The following PIK3AP1 variants were observed in gnomAD, a reference collection of about 807,000 sequenced individuals.
PIK3AP1 encodes the protein phosphoinositide 3-kinase adapter protein 1.
PIK3AP1 carries 21 observed loss-of-function variants against 88.1 expected under a neutral mutation model. The ratio of observed to expected loss-of-function variants is 0.24; its 90% CI spans 0.17 to 0.34. PIK3AP1 has a LOEUF of 0.34. PIK3AP1 is among the 10% of genes least tolerant of loss of function. The probability of loss-of-function intolerance (pLI) is 1.00; values close to 1 mark genes in which losing one functional copy is unlikely to be tolerated. For missense variants in PIK3AP1, 828 were observed against 1,035.7 expected, an observed-to-expected ratio of 0.80 and a Z score of 2.75; for synonymous variants, 398 against 400.0, an observed-to-expected ratio of 1.00 and a Z score of 0.06.
At position 96,696,037 on chromosome 10, in the gene PIK3AP1, C is replaced by T. The variant is rs146398284; in HGVS notation, c.430+13530G>A. 2.6e-4 allele frequency among the ~76,000 whole-genome samples: 40 copies of T among 152,288 alleles called. No individual in the cohort carries two copies. The East Asian group carries it at 7.3e-3, about 28-fold the overall frequency. ...GTTGACAATCCAAAGGGCATCAAGC[C>T]TCTACATAAGATGCTCATGGGAGGG... On this transcript the variant is annotated intron_variant, in intron 2 of 16. Coordinates refer to ENST00000339364, the MANE Select transcript of PIK3AP1 (RefSeq NM_152309.3).
At position 96,609,768 on chromosome 10, in the gene PIK3AP1, G is replaced by A. The variant is rs1339167868; in HGVS notation, c.2114C>T (p.Pro705Leu). 1.9e-6 allele frequency: 3 copies of A among 1,614,166 alleles called. No individual in the cohort carries two copies. Among genetic ancestry groups the A allele is most frequent in the Non-Finnish European group, 2.5e-6 (3 of 1,180,006 alleles). Residue 705 changes from proline (P) to leucine (L), a missense_variant, in exon 14 of 17, where the codon CCT (proline) becomes CTT (leucine). Physicochemically the swap from Pro to Leu is moderately conservative, Grantham distance 98. This residue lies in a region of PIK3AP1 where 191 missense variants were observed against 208.6 expected (regional missense o/e 0.92). Transcript: ENST00000339364. ...ESGPRKSVIPPRTELRRGDWK... is the reference protein window; with the variant it reads ...ESGPRKSVIPLRTELRRGDWK... The stretch of plus-strand genomic sequence containing the variant: ...GTCTCCTCGTCTCAGCTCCGTCCTA[G>A]GGGGAATGACACTTTTCCTGGGGCC...
At chr10:96,662,690 C>T (rs1440435895) in intron 2 of PIK3AP1, among the ~76,000 whole-genome samples, 1 of 149,828 alleles carries the variant, frequency 6.7e-6, no homozygotes, top group Admixed American at 6.7e-5. Flanking sequence ...ACCATCCTGG[C>T]TAACAAGGTG....
chr10:96,645,900 GCA>G (rs1183138899), intron 7 of PIK3AP1, among the ~76,000 whole-genome samples: 1 of 152,122 alleles, frequency 6.6e-6, no homozygotes, highest in Non-Finnish European at 1.5e-5. Context: ...ACAACACTAA[GCA>G]CAGAGTTAGG....
chr10:96,616,228 G>T (rs889549743), intron 13 of PIK3AP1, among the ~76,000 whole-genome samples: 25 of 152,198 alleles, frequency 1.6e-4, no homozygotes, highest in Non-Finnish European at 1.8e-4. Flanking sequence ...TGTGGATGCA[G>T]ATGACGCCAT....
intron 1 of PIK3AP1, 66 bp from the exon 2 acceptor site, chr10:96,710,049 TGCAAA>T: frequency 6.7e-7 from 1 of 1,482,162 alleles, no homozygotes; most frequent in Non-Finnish European, 9.1e-7. Flanking sequence ...CCCCACAGCC[TGCAAA>T]GGTAGAGCAT....
chr10:96,705,821 C>T (rs968107344), intron 2 of PIK3AP1, among the ~76,000 whole-genome samples: 1 of 151,154 alleles, frequency 6.6e-6, no homozygotes, highest in African/African-American at 2.4e-5. Context: ...AAGCAGAAAT[C>T]CTTCTGCTCC....
intron 2 of PIK3AP1, among the ~76,000 whole-genome samples, chr10:96,682,366 C>T (rs967180788): frequency 1.3e-5 from 2 of 152,002 alleles, no homozygotes. Context: ...ATGGCTGAGT[C>T]CAGCTCCTGC....
intron 2 of PIK3AP1, among the ~76,000 whole-genome samples, chr10:96,705,351 A>G (rs2134286952): frequency 6.6e-6 from 1 of 152,218 alleles, no homozygotes; most frequent in South Asian, 2.1e-4. Flanking sequence ...CCTGGCCCCA[A>G]AGCTAAATCC....
Position 96,642,490 on chromosome 10 carries a change from TAGAA to T in PIK3AP1, c.1375+2979_1375+2982del, listed in dbSNP as rs1448715472. Among the ~76,000 whole-genome samples the T allele has an allele frequency of 3.6e-5, 4 of 112,654 alleles. No individual in the cohort carries two copies. The East Asian group carries it at 9.9e-4, about 28-fold the overall frequency. The allele number at this position is 112,654 out of a possible 152,430, so 73.9% of individuals were successfully genotyped here. A position where few individuals can be genotyped will look rare whatever the true frequency, so the allele number is the denominator to read the frequency against. Reference sequence around the variant, plus strand: ...AGAGAAAGAAAGAAAGAAAGAAAGGTAGAAAGAAAGAAAAAAAGGAAGGAAAAGA... The same window carrying T: ...AGAGAAAGAAAGAAAGAAAGAAAGGTAGAAAGAAAAAAAGGAAGGAAAAGA... On this transcript the variant is annotated intron_variant, in intron 8 of 16. Coordinates refer to ENST00000339364, the MANE Select transcript of PIK3AP1 (RefSeq NM_152309.3).
rs374825569 is a variant in PIK3AP1 at position 96,626,772 on chromosome 10, G to T, written c.1605C>A (p.Pro535=). Residue 535 remains proline (P), a synonymous_variant, in exon 10 of 17, where the codon CCC becomes CCA. Coordinates refer to ENST00000339364, the MANE Select transcript of PIK3AP1 (RefSeq NM_152309.3). ...CACCAGGAGCAGTGGTCTCTGGTCTGGGCACTGGGACAGGGGGCCTGCTGG... is the reference window on the plus strand; with the variant it reads ...CACCAGGAGCAGTGGTCTCTGGTCTTGGCACTGGGACAGGGGGCCTGCTGG... The part of the protein sequence containing the change: ...DLASRPPVPV[P]RPETTAPGAH... 4.3e-6 allele frequency: 7 copies of T among 1,614,230 alleles called. No homozygotes were observed. The highest frequency in any genetic ancestry group is 4.0e-5 in the African/African-American group (3 of 75,054).
At chr10:96,676,474 CCT>C (rs1843921161) in intron 2 of PIK3AP1, among the ~76,000 whole-genome samples, 1 of 151,974 alleles carries the variant, frequency 6.6e-6, no homozygotes, top group Non-Finnish European at 1.5e-5. Context: ...CCAGCTCGGG[CCT>C]CTCCCAGCCT....
chr10:96,610,579 G>A (rs1746322890), intron 13 of PIK3AP1, among the ~76,000 whole-genome samples: 1 of 152,092 alleles, frequency 6.6e-6, no homozygotes, highest in Non-Finnish European at 1.5e-5. Flanking sequence ...ACACAGTAAT[G>A]ACCCCGAAAG....
chr10:96,607,406 G>A (rs568408854), intron 14 of PIK3AP1, among the ~76,000 whole-genome samples: 2 of 152,240 alleles, frequency 1.3e-5, no homozygotes, highest in East Asian at 3.9e-4. Context: ...GACATGCTTG[G>A]CACAGGGCAT....
intron 8 of PIK3AP1, chr10:96,632,830 C>T: frequency 6.3e-7 from 1 of 1,584,096 alleles, no homozygotes; most frequent in South Asian, 1.2e-5. Context: ...ATTGACTACA[C>T]ATCCACCAGT....
rs745636219 is a variant in PIK3AP1 at position 96,604,035 on chromosome 10, G to A, written c.2185C>T (p.Arg729Cys). 8.1e-6 allele frequency: 13 copies of A among 1,603,404 alleles called. No homozygotes were observed. The highest frequency in any genetic ancestry group is 6.7e-5 in the East Asian group (3 of 44,628). The part of the protein sequence containing the change: ...TSSTASSTSN[R>C]SSTRSLLSVS... ...CTGAGGAGGCTCCGGGTGCTGGAGC[G>A]GTTACTTGTGCTACCTAAAGGGTAG... The change falls in exon 15 of 17, where the codon CGC becomes TGC. Residue 729 changes from arginine to cysteine, a missense_variant. Coordinates refer to ENST00000339364, the MANE Select transcript of PIK3AP1 (RefSeq NM_152309.3).
chr10:96,684,501 T>C (rs1329590537), intron 2 of PIK3AP1, among the ~76,000 whole-genome samples: 2 of 152,188 alleles, frequency 1.3e-5, no homozygotes, highest in African/African-American at 2.4e-5. Flanking sequence ...GCAGACAGGC[T>C]GTGCTGTACA....
intron 2 of PIK3AP1, among the ~76,000 whole-genome samples, chr10:96,659,829 T>G (rs1843662210): frequency 6.6e-6 from 1 of 152,084 alleles, no homozygotes; most frequent in African/African-American, 2.4e-5. Flanking sequence ...AAAACACTCC[T>G]CAGTTTTAAA....
At chr10:96,669,369 G>A (rs890422620) in intron 2 of PIK3AP1, among the ~76,000 whole-genome samples, 8 of 152,190 alleles carry the variant, frequency 5.3e-5, no homozygotes, top group Non-Finnish European at 1.0e-4. Context: ...CATAGCAAGT[G>A]TCTACGGAAC....
intron 2 of PIK3AP1, among the ~76,000 whole-genome samples, chr10:96,685,568 G>A (rs1018968791): frequency 6.6e-6 from 1 of 152,208 alleles, no homozygotes; most frequent in South Asian, 2.1e-4. Flanking sequence ...CCACAGCCCT[G>A]CGAGGTGTGC....
Sources: allele counts gnomAD v4.1 joint callset (sites outside exome capture counted in the v4.1 genomes callset), GRCh38; gene constraint gnomAD v4.1.1; regional missense constraint gnomAD v4.1.1; transcripts MANE v1.5; gene names NCBI Gene and HGNC (gene_info 2026-07-23, HGNC 2026-07-21).